Variants in CFAP58 observed in about 807,000 individuals in gnomAD.
CFAP58 encodes the protein cilia and flagella associated protein 58, also known as cilia- and flagella-associated protein 58.
CFAP58 carries 88 observed loss-of-function variants against 119.5 expected under a neutral mutation model. That is an observed-to-expected ratio of 0.74 (90% CI 0.62 to 0.88). CFAP58 has a LOEUF of 0.88. CFAP58 is among the 40% of genes least tolerant of loss of function. The pLI, the probability that CFAP58 is intolerant of heterozygous loss-of-function variation, is 0.00. For synonymous variants in CFAP58, 365 were observed against 366.3 expected (o/e 1.00, Z 0.04); for missense variants, 990 against 1,021.2 (o/e 0.97, Z 0.42).
At position 104,365,942 on chromosome 10, in the gene CFAP58, G is replaced by A. The variant is rs774258314; in HGVS notation, c.726G>A (p.Leu242=). The change falls in exon 5 of 18, where the codon CTG becomes CTA. Residue 242 remains leucine, a synonymous_variant. Transcript: ENST00000369704. The part of the protein sequence containing the change: ...MDSRQTEIKA[L]QQYVQKSKEE... ...GCAGGCAGACAGAAATAAAAGCCCT[G>A]CAGCAGTATGTGCAGAAGAGCAAGG... 1.2e-6 allele frequency: 2 copies of A among 1,613,472 alleles called. No homozygotes were observed. The highest frequency in any genetic ancestry group is 2.7e-5 in the African/African-American group (2 of 74,986).
intron 9 of CFAP58, chr10:104,382,203 C>A (rs1365089295): frequency 2.8e-6 from 2 of 717,184 alleles, no homozygotes; most frequent in Non-Finnish European, 5.2e-6. Context: ...GCTTCTGAGC[C>A]TCTGCTGACA....
intron 9 of CFAP58, chr10:104,382,263 C>A: frequency 2.8e-6 from 2 of 710,422 alleles, no homozygotes; most frequent in South Asian, 3.0e-5. Context: ...CCAACCAAGT[C>A]ACAGGGCTGT....
intron 15 of CFAP58, among the ~76,000 whole-genome samples, chr10:104,423,481 A>G (rs529904142): frequency 2.4e-4 from 37 of 152,262 alleles, no homozygotes; most frequent in South Asian, 2.1e-3. Context: ...TGAGATGCAG[A>G]ATAATATGTT....
At chr10:104,339,866 T>C in the CFAP58 span, among the ~76,000 whole-genome samples, 2 of 152,246 alleles carry the variant, frequency 1.3e-5, no homozygotes, top group African/African-American at 4.8e-5. Context: ...TAGAAGTTGG[T>C]CCGGTGGGTT....
intron 1 of CFAP58, among the ~76,000 whole-genome samples, chr10:104,356,877 T>C (rs2014549906): frequency 1.3e-5 from 2 of 152,256 alleles, no homozygotes; most frequent in African/African-American, 4.8e-5. Flanking sequence ...CAATCCATCA[T>C]AGAATTTATG....
chr10:104,439,720 A>AACG lies in CFAP58; in HGVS notation c.2257-7976_2257-7975insGAC, dbSNP rs2013003720. Among the ~76,000 whole-genome samples the AACG allele has an allele frequency of 2.0e-5, 3 of 152,172 alleles. 1 individual carries two copies. The South Asian group carries it at 6.2e-4, about 32-fold the overall frequency. On this transcript the variant is annotated intron_variant, in intron 15 of 17. Coordinates refer to ENST00000369704, the MANE Select transcript of CFAP58 (RefSeq NM_001008723.2). ...ACTCTGTCTTAACAACAACAACAAC[A>AACG]ACAACAACAACATATTTTCAAAGAA... is the stretch of plus-strand genomic sequence containing the variant.
chr10:104,379,332 C>T (rs1330866), intron 8 of CFAP58, among the ~76,000 whole-genome samples: 4,768 of 152,242 alleles, frequency 0.031, 190 homozygotes, highest in African/African-American at 0.09. Context: ...CGTTGTAGCA[C>T]GCATCAGTAC....
intron 9 of CFAP58, among the ~76,000 whole-genome samples, chr10:104,381,465 G>T (rs1213906297): frequency 2.0e-5 from 3 of 152,160 alleles, no homozygotes; most frequent in Non-Finnish European, 2.9e-5. Flanking sequence ...TTACGAGGCT[G>T]ATAACAAAGT....
chr10:104,378,395 A>C (rs1288378431), intron 8 of CFAP58, among the ~76,000 whole-genome samples: 6 of 152,236 alleles, frequency 3.9e-5, no homozygotes, highest in Non-Finnish European at 7.3e-5. Context: ...ATTGTCACCC[A>C]ACCAACATTT....
At chr10:104,432,685 T>C (rs80319885) in intron 15 of CFAP58, among the ~76,000 whole-genome samples, 2 of 152,148 alleles carry the variant, frequency 1.3e-5, no homozygotes, top group South Asian at 2.1e-4. Flanking sequence ...GTATTTTTAG[T>C]AGAGATGGGG....
intron 14 of CFAP58, among the ~76,000 whole-genome samples, chr10:104,404,678 C>T (rs542960007): frequency 5.3e-5 from 8 of 151,982 alleles, no homozygotes; most frequent in Admixed American, 1.3e-4. Context: ...GGCGTGATCT[C>T]GGCTCACTGC....
upstream of CFAP58, chr10:104,353,609 A>C (rs1406364478): frequency 2.2e-6 from 1 of 449,754 alleles, no homozygotes; most frequent in African/African-American, 2.0e-5. Flanking sequence ...TCTCAGGGGC[A>C]CCGCCCCCTC....
chr10:104,338,693 G>C, the CFAP58 span, among the ~76,000 whole-genome samples: 2 of 152,150 alleles, frequency 1.3e-5, no homozygotes, highest in South Asian at 4.1e-4. Context: ...GAGTGGACAG[G>C]GGCGCGGGGA....
At chr10:104,393,225 G>A in intron 10 of CFAP58, 104 bp from the exon 11 acceptor site, 1 of 1,036,262 alleles carries the variant, frequency 9.7e-7, no homozygotes, top group Non-Finnish European at 1.4e-6. Flanking sequence ...AGAGACCATT[G>A]TTTTGAGAGA....
chr10:104,350,735 C>T (rs1030269788), upstream of CFAP58, among the ~76,000 whole-genome samples: 1 of 152,166 alleles, frequency 6.6e-6, no homozygotes, highest in African/African-American at 2.4e-5. Context: ...GTAGATGTTC[C>T]CTTCTGTCTT....
chr10:104,369,109 A>T (rs180927757), intron 6 of CFAP58, among the ~76,000 whole-genome samples: 2 of 152,306 alleles, frequency 1.3e-5, no homozygotes, highest in Admixed American at 1.3e-4. Context: ...TTATACTCCG[A>T]TGTATATTGT....
At chr10:104,369,586 A>T (rs1374066603) in intron 6 of CFAP58, among the ~76,000 whole-genome samples, 2 of 152,220 alleles carry the variant, frequency 1.3e-5, no homozygotes, top group African/African-American at 4.8e-5. Context: ...AAGAGATGAG[A>T]TGACTACTTA....
At chr10:104,391,174 T>C (rs111686381) in intron 9 of CFAP58, among the ~76,000 whole-genome samples, 3 of 152,338 alleles carry the variant, frequency 2.0e-5, no homozygotes, top group African/African-American at 7.2e-5. Context: ...ACCTGAGTCA[T>C]GGTGAATATC....
At chr10:104,433,130 A>G (rs2012876580) in intron 15 of CFAP58, among the ~76,000 whole-genome samples, 2 of 152,170 alleles carry the variant, frequency 1.3e-5, no homozygotes, top group African/African-American at 2.4e-5. Flanking sequence ...GTCTCGTTCC[A>G]TCACCCAGAT....
Sources: gnomAD v4.1 joint callset for allele counts (sites outside exome capture counted in the v4.1 genomes callset) on GRCh38, gnomAD v4.1.1 for gene constraint, MANE v1.5 for transcripts, NCBI Gene and HGNC (gene_info 2026-07-23, HGNC 2026-07-21) for gene names.